The following DCDC1 variants were observed in gnomAD, a reference collection of about 807,000 sequenced individuals.
The protein encoded by DCDC1 is doublecortin domain-containing protein 1.
In DCDC1, 200 loss-of-function variants were observed where a neutral mutation model predicts 178.3. The ratio of observed to expected loss-of-function variants is 1.12; its 90% confidence interval spans 1.00 to 1.26. The LOEUF (loss-of-function observed/expected upper bound fraction) is 1.26, where lower values mean the gene tolerates loss of function less well. DCDC1 is among the 50% of genes most tolerant of loss of function. The pLI is 0.00. For missense variants in DCDC1, 1,983 were observed against 1,749.2 expected (o/e 1.13, Z -2.38); for synonymous variants, 690 against 604.8 (o/e 1.14, Z -2.07).
chr11:31,117,947 G>T (rs1441518678), intron 11 of DCDC1, among the ~76,000 whole-genome samples: 1 of 152,080 alleles, frequency 6.6e-6, no homozygotes, highest in African/African-American at 2.4e-5. Flanking sequence ...TAAAATATCA[G>T]GCATGTGGGT....
chr11:31,331,212 G>A (rs934730708), intron 2 of DCDC1, among the ~76,000 whole-genome samples: 2 of 152,140 alleles, frequency 1.3e-5, no homozygotes, highest in Non-Finnish European at 1.5e-5. Flanking sequence ...AAATGCTTGT[G>A]ATTTTTGCAC....
chr11:30,892,552 A>C (rs2134054177), intron 36 of DCDC1, among the ~76,000 whole-genome samples: 1 of 152,266 alleles, frequency 6.6e-6, no homozygotes, highest in East Asian at 1.9e-4. Context: ...ACTCTTTGGT[A>C]GGAGTGGGTT....
intron 9 of DCDC1, among the ~76,000 whole-genome samples, chr11:31,180,708 G>C (rs1968676842): frequency 6.6e-6 from 1 of 152,188 alleles, no homozygotes; most frequent in Admixed American, 6.5e-5. Flanking sequence ...GCAACCCACA[G>C]ACCAGGAGAT....
chr11:31,213,358 T>C (rs1243503876), intron 9 of DCDC1, among the ~76,000 whole-genome samples: 2 of 151,880 alleles, frequency 1.3e-5, no homozygotes, highest in South Asian at 2.1e-4. Flanking sequence ...CCTGAGTCTA[T>C]TTATCAATTT....
rs750936814 is a variant in DCDC1 at position 30,881,241 on chromosome 11, C to A, written c.5150G>T (p.Gly1717Val). 6.2e-7 allele frequency: 1 copy of A among 1,613,556 alleles called. No individual in the cohort carries two copies. The highest frequency in any genetic ancestry group is 2.2e-5 in the East Asian group (1 of 44,854). ...HPARALYTPS[G>V]EPIQSWDDIE... ...GTCGTCCCAGGACTGAATTGGCTCT[C>A]CACTGGGGGTGTACAGTGCTCTAGC... The change falls in exon 37 of 39, where the codon GGA becomes GTA. Residue 1717 changes from glycine to valine, a missense_variant. Coordinates refer to ENST00000684477, the MANE Select transcript of DCDC1 (RefSeq NM_001387274.1).
intron 7 of DCDC1, among the ~76,000 whole-genome samples, chr11:31,267,148 A>G (rs1477500400): frequency 6.6e-6 from 1 of 152,114 alleles, no homozygotes; most frequent in African/African-American, 2.4e-5. Context: ...TTTTCTCACA[A>G]TCAAGAATGC....
intron 9 of DCDC1, among the ~76,000 whole-genome samples, chr11:31,147,811 A>G (rs1420012077): frequency 6.6e-6 from 1 of 152,232 alleles, no homozygotes; most frequent in Non-Finnish European, 1.5e-5. Flanking sequence ...GGAAGGCCAA[A>G]GAAAGAGTCT....
chr11:31,280,938 G>T, intron 7 of DCDC1: 3 of 638,280 alleles, frequency 4.7e-6, no homozygotes, highest in South Asian at 4.1e-5. Flanking sequence ...GTGTGGCACT[G>T]GGCACACTTT....
chr11:31,346,573 C>T (rs1423347012), intron 1 of DCDC1, among the ~76,000 whole-genome samples: 1 of 150,056 alleles, frequency 6.7e-6, no homozygotes, highest in African/African-American at 2.5e-5. Context: ...ATTTTTGAGA[C>T]AATTGGTGAC....
chr11:31,083,774 C>G (rs1326067183), intron 17 of DCDC1, among the ~76,000 whole-genome samples: 4 of 152,110 alleles, frequency 2.6e-5, no homozygotes, highest in Admixed American at 1.3e-4. Context: ...AGTTTTTAAC[C>G]TTTATAATCT....
At chr11:30,951,743 G>A (rs1948438721) in intron 21 of DCDC1, among the ~76,000 whole-genome samples, 1 of 151,906 alleles carries the variant, frequency 6.6e-6, no homozygotes, top group African/African-American at 2.4e-5. Flanking sequence ...GAATAAAAAT[G>A]TTATAATTTC....
chr11:31,279,185 T>C (rs775387155), intron 7 of DCDC1, among the ~76,000 whole-genome samples: 8 of 152,188 alleles, frequency 5.3e-5, no homozygotes, highest in Non-Finnish European at 1.0e-4. Flanking sequence ...AAATGAATAG[T>C]TAAGTATTTC....
chr11:31,043,941 C>A (rs1954648334), intron 20 of DCDC1, among the ~76,000 whole-genome samples: 1 of 151,604 alleles, frequency 6.6e-6, no homozygotes, highest in African/African-American at 2.4e-5. Context: ...CTAAACCAGA[C>A]CTTTACCAGA....
chr11:30,935,005 T>C (rs1189219419), intron 21 of DCDC1, among the ~76,000 whole-genome samples: 1 of 152,100 alleles, frequency 6.6e-6, no homozygotes, highest in African/African-American at 2.4e-5. Flanking sequence ...CAAATCACCC[T>C]AGGGGGTAAA....
At chr11:30,905,324 T>A (rs1002803964) in intron 30 of DCDC1, among the ~76,000 whole-genome samples, 160 bp from the exon 31 acceptor site, 10 of 152,208 alleles carry the variant, frequency 6.6e-5, no homozygotes, top group Non-Finnish European at 1.3e-4. Context: ...GCCGGAAGGA[T>A]GTTGGATCCA....
chr11:30,924,400 C>T (rs1485028605), intron 23 of DCDC1, among the ~76,000 whole-genome samples: 3 of 152,040 alleles, frequency 2.0e-5, no homozygotes, highest in South Asian at 2.1e-4. Flanking sequence ...TGAGTTCTGA[C>T]GAAATGGTAG....
At position 31,307,790 on chromosome 11, in the gene DCDC1, G is replaced by T. The variant is rs1368945673; in HGVS notation, c.283C>A (p.Gln95Lys). The change falls in exon 4 of 39, where the codon CAA becomes AAA. Residue 95 changes from glutamine to lysine, a missense_variant. Transcript: ENST00000684477. The part of the protein sequence containing the change: ...SAAVSEGSGL[Q>K]DCSTHQTASD... ...GCTGTTTGATGTGTGGAGCAATCTT[G>T]AAGTCCTGACCCTTCTGATACTGCT... 3.7e-6 allele frequency: 6 copies of T among 1,613,988 alleles called. No homozygotes were observed. Among genetic ancestry groups the T allele is most frequent in the Non-Finnish European group, 5.1e-6 (6 of 1,180,000 alleles).
intron 1 of DCDC1, among the ~76,000 whole-genome samples, chr11:31,364,040 T>C (rs1951835368): frequency 6.6e-6 from 1 of 152,152 alleles, no homozygotes; most frequent in East Asian, 1.9e-4. Context: ...CAGTGAACCA[T>C]GCACTCTCTG....
intron 9 of DCDC1, among the ~76,000 whole-genome samples, chr11:31,166,440 G>A (rs79212749): frequency 6.6e-6 from 1 of 152,132 alleles, no homozygotes; most frequent in African/African-American, 2.4e-5. Context: ...GCACCTTAAT[G>A]TATGCAAATT....
Sources: allele counts gnomAD v4.1 joint callset (sites outside exome capture counted in the v4.1 genomes callset), GRCh38; gene constraint gnomAD v4.1.1; transcripts MANE v1.5; gene names NCBI Gene and HGNC (gene_info 2026-07-23, HGNC 2026-07-21).